The following CLVS1 variants were observed in gnomAD, a reference collection of about 807,000 sequenced individuals.
The protein encoded by CLVS1 is clavesin 1.
Under a neutral mutation model 33.1 loss-of-function variants are expected in CLVS1, and 10 were observed. That is an observed-to-expected ratio of 0.30 (90% CI 0.19 to 0.51). The LOEUF (loss-of-function observed/expected upper bound fraction) is 0.51. CLVS1 is among the 20% of genes least tolerant of loss of function. The pLI, the probability that CLVS1 is intolerant of heterozygous loss-of-function variation, is 0.97. For missense variants in CLVS1, 343 were observed against 433.4 expected (o/e 0.79, Z 1.85); for synonymous variants, 163 against 166.1 (o/e 0.98, Z 0.14).
chr8:61,283,914 C>T (rs1585747365), upstream of CLVS1, among the ~76,000 whole-genome samples: 2 of 152,248 alleles, frequency 1.3e-5, no homozygotes, highest in African/African-American at 4.8e-5. Context: ...AAACATTTGG[C>T]AAAATGGTCA....
intron 2 of CLVS1, among the ~76,000 whole-genome samples, chr8:61,317,845 A>G (rs1056077574): frequency 3.9e-5 from 5 of 127,110 alleles, no homozygotes; most frequent in Admixed American, 8.2e-5. Context: ...CCTGCTGTCT[A>G]TTGTTACCAT....
Position 61,349,019 on chromosome 8 carries a change from T to C in CLVS1, c.456-27586T>C, listed in dbSNP as rs145511323. Among the ~76,000 whole-genome samples the C allele has an allele frequency of 2.2e-3, 341 of 152,312 alleles. 3 individuals carry two copies. The highest frequency in any genetic ancestry group is 8.0e-3 in the African/African-American group (331 of 41,584). Reference sequence around the variant, plus strand: ...TGTATCTGTCGGCCATTTGTATGTCTCCTTTTGAGAAATGTTTATTCAGGT... The same window carrying C: ...TGTATCTGTCGGCCATTTGTATGTCCCCTTTTGAGAAATGTTTATTCAGGT... On this transcript the variant is annotated intron_variant, in intron 2 of 5. Coordinates refer to ENST00000325897, the MANE Select transcript of CLVS1 (RefSeq NM_173519.3).
At chr8:61,476,644 C>G (rs200665926) in intron 5 of CLVS1, among the ~76,000 whole-genome samples, 2 of 152,118 alleles carry the variant, frequency 1.3e-5, no homozygotes, top group Admixed American at 6.6e-5. Context: ...TGCACATTGA[C>G]TTTGTATCCT....
the CLVS1 span, among the ~76,000 whole-genome samples, chr8:61,032,400 G>T: frequency 2.0e-5 from 3 of 152,228 alleles, no homozygotes; most frequent in Admixed American, 6.5e-5. Flanking sequence ...ACTTCGCTAT[G>T]GTTTTGCTGC....
intron 2 of CLVS1, among the ~76,000 whole-genome samples, chr8:61,207,108 G>A (rs1002996005): frequency 1.1e-4 from 16 of 152,172 alleles, no homozygotes; most frequent in Non-Finnish European, 2.9e-5. Context: ...GATACAAAAT[G>A]CCTTAGCATC....
intron 1 of CLVS1, among the ~76,000 whole-genome samples, chr8:61,105,819 C>A (rs1325484446): frequency 6.6e-6 from 1 of 151,826 alleles, no homozygotes; most frequent in Non-Finnish European, 1.5e-5. Flanking sequence ...TAGGAATCAG[C>A]AGCTATAGGA....
At chr8:61,039,396 C>A in the CLVS1 span, among the ~76,000 whole-genome samples, 9 of 152,188 alleles carry the variant, frequency 5.9e-5, no homozygotes, top group Non-Finnish European at 8.8e-5. Context: ...AGCTATGGGG[C>A]CTTCTGTGGC....
chr8:61,092,178 T>G (rs1033772871), intron 1 of CLVS1, among the ~76,000 whole-genome samples: 1 of 152,234 alleles, frequency 6.6e-6, no homozygotes, highest in Non-Finnish European at 1.5e-5. Context: ...AACTTATAAG[T>G]TAGCTTTTTT....
intron 2 of CLVS1, among the ~76,000 whole-genome samples, chr8:61,227,457 T>A (rs1011708048): frequency 1.3e-5 from 2 of 152,178 alleles, no homozygotes; most frequent in Admixed American, 1.3e-4. Context: ...TTGCTGCTAT[T>A]TGCCTCATTA....
the CLVS1 span, chr8:60,966,584 A>G: frequency 3.9e-6 from 1 of 253,750 alleles, no homozygotes; most frequent in South Asian, 3.7e-5. Flanking sequence ...GATGTCCTAC[A>G]TATCTTTCTG....
chr8:61,325,373 C>A (rs1386065293), intron 2 of CLVS1, among the ~76,000 whole-genome samples: 1 of 152,012 alleles, frequency 6.6e-6, no homozygotes, highest in East Asian at 1.9e-4. Flanking sequence ...GAGAAATAAC[C>A]TATGTTTGCA....
chr8:61,319,921 AG>A (rs369753518), intron 2 of CLVS1, among the ~76,000 whole-genome samples: 9 of 152,246 alleles, frequency 5.9e-5, no homozygotes, highest in African/African-American at 2.2e-4. Flanking sequence ...TTAATAAAAA[AG>A]TTATGCCTTT....
Position 61,200,887 on chromosome 8 carries a change from T to C in CLVS1, c.-152+69027T>C, listed in dbSNP as rs145423154. Among the ~76,000 whole-genome samples the C allele has an allele frequency of 3.9e-3, 587 of 152,356 alleles. 3 individuals carry two copies. The highest frequency in any genetic ancestry group is 0.013 in the African/African-American group (559 of 41,582). ...GATTGTTGATTTTTAAAATTATATATTTGTTTCCTACTGAGGTTGAATTGT... is the reference window on the plus strand; with the variant it reads ...GATTGTTGATTTTTAAAATTATATACTTGTTTCCTACTGAGGTTGAATTGT... On this transcript the variant is annotated intron_variant, in intron 2 of 2. Transcript: ENST00000522621.
chr8:61,009,784 G>A, the CLVS1 span, among the ~76,000 whole-genome samples: 1 of 152,198 alleles, frequency 6.6e-6, no homozygotes, highest in East Asian at 1.9e-4. Flanking sequence ...TGGGAGAAAG[G>A]TGTGTGTTTC....
intron 2 of CLVS1, among the ~76,000 whole-genome samples, chr8:61,254,446 C>G (rs1809027524): frequency 1.3e-5 from 2 of 152,202 alleles, no homozygotes; most frequent in South Asian, 2.1e-4. Flanking sequence ...CTCTTCAAAG[C>G]TGTCAGACAG....
At chr8:61,023,642 C>T in the CLVS1 span, among the ~76,000 whole-genome samples, 1 of 152,254 alleles carries the variant, frequency 6.6e-6, no homozygotes, top group African/African-American at 2.4e-5. Context: ...GCGCCATCCG[C>T]AGCGCTCGTG....
chr8:61,091,653 T>A (rs1805252335), intron 1 of CLVS1, among the ~76,000 whole-genome samples: 1 of 152,192 alleles, frequency 6.6e-6, no homozygotes, highest in South Asian at 2.1e-4. Flanking sequence ...ATAAAACAAA[T>A]GTTCTCTAAT....
intron 2 of CLVS1, among the ~76,000 whole-genome samples, chr8:61,157,494 A>G (rs1191252111): frequency 6.6e-6 from 1 of 152,208 alleles, no homozygotes; most frequent in Non-Finnish European, 1.5e-5. Flanking sequence ...ATATATCTGT[A>G]CAAATTTCCT....
intron 1 of CLVS1, among the ~76,000 whole-genome samples, chr8:61,129,318 A>T (rs1160512020): frequency 6.6e-6 from 1 of 152,210 alleles, no homozygotes; most frequent in Non-Finnish European, 1.5e-5. Context: ...TAGTGATTAG[A>T]GTACACTGAT....
Sources: allele counts gnomAD v4.1 joint callset (sites outside exome capture counted in the v4.1 genomes callset), GRCh38; gene constraint gnomAD v4.1.1; transcripts MANE v1.5; gene names NCBI Gene and HGNC (gene_info 2026-07-23, HGNC 2026-07-21).